PLS1: variants seen among roughly 807,000 people sequenced by gnomAD.
PLS1 encodes plastin-1.
A neutral mutation model predicts 73.7 loss-of-function variants in PLS1; 32 were observed. The ratio of observed to expected loss-of-function variants is 0.43; its 90% CI spans 0.33 to 0.58. The LOEUF is 0.58. Ranked by LOEUF, PLS1 falls within the 20% of genes least tolerant of loss-of-function variation. The pLI is 0.04. For missense variants in PLS1, 633 were observed against 740.5 expected (o/e 0.85, Z 1.68); for synonymous variants, 217 against 261.3 (o/e 0.83, Z 1.63).
intron 11 of PLS1, among the ~76,000 whole-genome samples, chr3:142,696,084 G>A (rs561526398): frequency 3.9e-5 from 6 of 152,304 alleles, no homozygotes; most frequent in African/African-American, 7.2e-5. Flanking sequence ...GTGGGCCACC[G>A]TGCCCAAGAC....
At chr3:142,679,815 T>C (rs900842099) in intron 6 of PLS1, among the ~76,000 whole-genome samples, 9 of 152,186 alleles carry the variant, frequency 5.9e-5, no homozygotes, top group African/African-American at 1.7e-4. Context: ...GTGAAAAAAG[T>C]CATTGGTAGC....
intron 1 of PLS1, among the ~76,000 whole-genome samples, chr3:142,643,825 A>ATTTTTTTT (rs67216911): frequency 8.1e-6 from 1 of 122,920 alleles, no homozygotes; most frequent in African/African-American, 3.2e-5. Flanking sequence ...TCTTCATTTC[A>ATTTTTTTT]TTTTTTTTTT....
chr3:142,700,876 T>C (rs773089049), intron 12 of PLS1, among the ~76,000 whole-genome samples: 7 of 152,224 alleles, frequency 4.6e-5, no homozygotes, highest in Non-Finnish European at 1.0e-4. Flanking sequence ...CTCATTGTAG[T>C]GAATAAGACT....
intron 1 of PLS1, among the ~76,000 whole-genome samples, chr3:142,649,693 A>G (rs1185206015): frequency 6.6e-6 from 1 of 152,032 alleles, no homozygotes; most frequent in African/African-American, 2.4e-5. Flanking sequence ...AAGGGAAGAA[A>G]AGGTACAAAG....
At chr3:142,673,284 C>T (rs1481701312) in intron 4 of PLS1, among the ~76,000 whole-genome samples, 5 of 152,086 alleles carry the variant, frequency 3.3e-5, no homozygotes, top group Non-Finnish European at 5.9e-5. Flanking sequence ...TGGGTTCGAG[C>T]GATCTGCCTG....
intron 2 of PLS1, 139 bp from the exon 3 acceptor site, chr3:142,669,245 TCAGGTA>T (rs1248260910): frequency 1.8e-6 from 1 of 546,228 alleles, no homozygotes. Context: ...TCTGTACAGT[TCAGGTA>T]CAGGAAAAAA....
At chr3:142,675,760 C>T (rs560067274) in intron 4 of PLS1, among the ~76,000 whole-genome samples, 35 of 151,784 alleles carry the variant, frequency 2.3e-4, no homozygotes, top group Admixed American at 1.1e-3. Flanking sequence ...ACTGCAACCT[C>T]CACCCCCCGG....
intron 1 of PLS1, among the ~76,000 whole-genome samples, chr3:142,627,171 G>A (rs1215329098): frequency 4.6e-5 from 7 of 152,160 alleles, no homozygotes; most frequent in Admixed American, 1.3e-4. Flanking sequence ...GTAGACAAGG[G>A]TGTGACCTCA....
At chr3:142,656,494 G>C (rs2037240018) in intron 1 of PLS1, 1 of 152,176 alleles carries the variant, frequency 6.6e-6, no homozygotes, top group African/African-American at 2.4e-5. Context: ...ACAGTCAGTA[G>C]ACATTCCAGT....
intron 1 of PLS1, among the ~76,000 whole-genome samples, chr3:142,647,983 A>G (rs115428995): frequency 0.013 from 1,981 of 152,272 alleles, 44 homozygotes; most frequent in African/African-American, 0.04. Flanking sequence ...GGATGTCTGC[A>G]GTGGATAAGG....
chr3:142,678,969 C>G (rs1239801728), intron 6 of PLS1, among the ~76,000 whole-genome samples: 1 of 152,138 alleles, frequency 6.6e-6, no homozygotes, highest in Non-Finnish European at 1.5e-5. Context: ...GCCATTCTAA[C>G]TGGTGTAAGA....
chr3:142,689,901 T>C, intron 10 of PLS1, 88 bp downstream of exon 10: 1 of 834,402 alleles, frequency 1.2e-6, no homozygotes, highest in Non-Finnish European at 1.8e-6. Flanking sequence ...GGGATTGTGG[T>C]GGGAAATGCA....
intron 5 of PLS1, 52 bp downstream of exon 5, chr3:142,676,341 G>A (rs370059622): frequency 1.9e-6 from 3 of 1,550,560 alleles, no homozygotes; most frequent in Admixed American, 3.6e-5. Context: ...TTACATTGAT[G>A]AGCATTCCAT....
At chr3:142,662,229 C>A (rs2037386685) in intron 1 of PLS1, among the ~76,000 whole-genome samples, 1 of 152,156 alleles carries the variant, frequency 6.6e-6, no homozygotes, top group African/African-American at 2.4e-5. Flanking sequence ...GAATACTATG[C>A]AGCCATAAAA....
chr3:142,614,360 T>A (rs924067901), intron 1 of PLS1, among the ~76,000 whole-genome samples: 22 of 150,932 alleles, frequency 1.5e-4, no homozygotes, highest in Non-Finnish European at 2.7e-4. Context: ...GTCATTCAGG[T>A]ATGCTCTGTG....
At chr3:142,601,075 C>T (rs1185196254) in intron 1 of PLS1, among the ~76,000 whole-genome samples, 2 of 147,344 alleles carry the variant, frequency 1.4e-5, no homozygotes, top group African/African-American at 2.5e-5. Context: ...AGGCACCCGC[C>T]ACCACGCCCG....
intron 1 of PLS1, among the ~76,000 whole-genome samples, chr3:142,638,124 C>T (rs1358273396): frequency 6.6e-6 from 1 of 152,040 alleles, no homozygotes; most frequent in African/African-American, 2.4e-5. Flanking sequence ...CTTTTTTATT[C>T]TATAATTAAG....
In PLS1 at chr3:142,698,041, C is replaced by A; in HGVS notation, c.1345C>A (p.Pro449Thr). 6.2e-7 allele frequency: 1 copy of A among 1,603,294 alleles called. No homozygotes were observed. Among genetic ancestry groups the A allele is most frequent in the South Asian group, 1.1e-5 (1 of 90,842 alleles). Residue 449 changes from proline (P) to threonine (T), a missense_variant, in exon 12 of 16, where the codon CCT becomes ACT. Coordinates refer to ENST00000457734, the MANE Select transcript of PLS1 (RefSeq NM_001145319.2). Reference protein sequence around the residue: ...NWSHVNKPPYPALGGNMKKIE... With the variant: ...NWSHVNKPPYTALGGNMKKIE... The stretch of plus-strand genomic sequence containing the variant: ...GAGCCATGTCAACAAACCTCCTTAT[C>A]CTGCCCTTGGAGGGAACATGAAGAA...
chr3:142,702,698 T>C (rs2038355663), intron 12 of PLS1, among the ~76,000 whole-genome samples: 1 of 152,086 alleles, frequency 6.6e-6, no homozygotes, highest in African/African-American at 2.4e-5. Flanking sequence ...ATGATGCAGG[T>C]AAAAAACCCT....
Sources: allele counts gnomAD v4.1 joint callset (sites outside exome capture counted in the v4.1 genomes callset), GRCh38; gene constraint gnomAD v4.1.1; transcripts MANE v1.5; gene names NCBI Gene and HGNC (gene_info 2026-07-23, HGNC 2026-07-21).